Variants in SORCS1 observed in about 807,000 individuals in gnomAD.
SORCS1 encodes sortilin related VPS10 domain containing receptor 1.
SORCS1 carries 60 observed loss-of-function variants against 146.1 expected under a neutral mutation model. That is an observed-to-expected ratio of 0.41 (90% CI 0.33 to 0.51). The LOEUF (loss-of-function observed/expected upper bound fraction) is 0.51, where lower values mean the gene tolerates loss of function less well. SORCS1 is among the 20% of genes least tolerant of loss of function. The probability of loss-of-function intolerance (pLI) is 0.21; values close to 1 mark genes in which losing one functional copy is unlikely to be tolerated. For missense variants in SORCS1, 1,352 were observed against 1,487.6 expected (o/e 0.91, Z 1.50); for synonymous variants, 637 against 584.0 (o/e 1.09, Z -1.31).
intron 4 of SORCS1, 115 bp from the exon 5 acceptor site, chr10:106,761,776 G>T: frequency 1.2e-6 from 1 of 864,034 alleles, no homozygotes. Flanking sequence ...CTGAACACCT[G>T]CCATATACAA....
intron 1 of SORCS1, among the ~76,000 whole-genome samples, chr10:107,002,941 T>C (rs1589899451): frequency 6.6e-6 from 1 of 152,198 alleles, no homozygotes; most frequent in African/African-American, 2.4e-5. Flanking sequence ...TTTGTATCAC[T>C]GGGCCCACTC....
chr10:106,886,160 G>A (rs1056789794), intron 2 of SORCS1, among the ~76,000 whole-genome samples: 3 of 152,226 alleles, frequency 2.0e-5, no homozygotes, highest in African/African-American at 7.2e-5. Flanking sequence ...TACTCAGGAG[G>A]CTGAGGCAGG....
At chr10:106,945,300 T>C (rs1954278377) in intron 2 of SORCS1, among the ~76,000 whole-genome samples, 1 of 152,188 alleles carries the variant, frequency 6.6e-6, no homozygotes, top group African/African-American at 2.4e-5. Context: ...TAAAGAGACT[T>C]TGTGTTCCTA....
chr10:106,925,995 T>C (rs998380720), intron 2 of SORCS1, among the ~76,000 whole-genome samples: 1 of 152,192 alleles, frequency 6.6e-6, no homozygotes, highest in Non-Finnish European at 1.5e-5. Context: ...TAAACAATTC[T>C]AAGACACTTT....
chr10:106,986,011 G>A (rs1263684381), intron 1 of SORCS1, among the ~76,000 whole-genome samples: 1 of 151,810 alleles, frequency 6.6e-6, no homozygotes, highest in African/African-American at 2.4e-5. Flanking sequence ...GTGTTCTAGT[G>A]GTGATCATGA....
At chr10:106,669,271 G>T (rs924927587) in intron 16 of SORCS1, among the ~76,000 whole-genome samples, 2 of 149,778 alleles carry the variant, frequency 1.3e-5, no homozygotes, top group African/African-American at 2.5e-5. Flanking sequence ...AACAACAAAA[G>T]ACTGGCTTAC....
chr10:106,649,545 T>C (rs564117423), intron 18 of SORCS1, among the ~76,000 whole-genome samples: 1 of 152,382 alleles, frequency 6.6e-6, no homozygotes, highest in South Asian at 2.1e-4. Context: ...TGTTTGATTT[T>C]AGATTTCAGC....
intron 1 of SORCS1, among the ~76,000 whole-genome samples, chr10:107,020,209 G>A (rs1044319519): frequency 7.9e-5 from 12 of 152,166 alleles, no homozygotes; most frequent in Admixed American, 4.6e-4. Flanking sequence ...CAAATGCACA[G>A]CCTCTAATCT....
At chr10:106,770,480 CAA>C (rs61310332) in intron 4 of SORCS1, among the ~76,000 whole-genome samples, 27,426 of 126,182 alleles carry the variant, frequency 0.22, 3,005 homozygotes, top group Non-Finnish European at 0.31. Flanking sequence ...CAAAAAATCG[CAA>C]AAAAAAAAAA....
At chr10:106,625,485 C>T (rs959185038) in intron 19 of SORCS1, among the ~76,000 whole-genome samples, 9 of 152,114 alleles carry the variant, frequency 5.9e-5, no homozygotes, top group African/African-American at 2.2e-4. Context: ...TTCCAGGAAT[C>T]CTAATTCAGT....
rs148952411 is a variant in SORCS1, at chr10:106,693,004, C to T, written c.1414-4666G>A. ...GAATACAAAAAAACTGTTTAATGCA[C>T]AAAATTATTAAACATATTGTTTAAA... On this transcript the variant is annotated intron_variant, in intron 9 of 25. Coordinates refer to ENST00000263054, the MANE Select transcript of SORCS1 (RefSeq NM_052918.5). Among the ~76,000 whole-genome samples the T allele has an allele frequency of 2.0e-5, 3 of 151,934 alleles. No individual in the cohort carries two copies. In the East Asian group the frequency reaches 5.8e-4, roughly 29 times the overall value.
At chr10:106,976,333 G>GTTTTTTTTTGTTTTT (rs1554901319) in intron 1 of SORCS1, among the ~76,000 whole-genome samples, 2 of 113,812 alleles carry the variant, frequency 1.8e-5, no homozygotes, top group African/African-American at 3.9e-5. Context: ...AGGTTTTTTT[G>GTTTTTTTTTGTTTTT]TTTTTTTTTT....
At chr10:106,786,582 A>C (rs1946063382) in intron 3 of SORCS1, among the ~76,000 whole-genome samples, 1 of 152,118 alleles carries the variant, frequency 6.6e-6, no homozygotes, top group Non-Finnish European at 1.5e-5. Flanking sequence ...CAATTTTGCC[A>C]CATGCTATTG....
At chr10:106,830,320 C>T (rs545018924) in intron 2 of SORCS1, among the ~76,000 whole-genome samples, 9 of 152,190 alleles carry the variant, frequency 5.9e-5, no homozygotes, top group South Asian at 2.1e-4. Context: ...ATTATTCACT[C>T]GGATTAAATA....
chr10:107,024,287 C>A (rs1958295984), intron 1 of SORCS1, among the ~76,000 whole-genome samples: 1 of 151,934 alleles, frequency 6.6e-6, no homozygotes, highest in Non-Finnish European at 1.5e-5. Context: ...AGGCTGCTTT[C>A]ATTCATGGCA....
At chr10:106,962,175 G>A (rs1476714780) in intron 1 of SORCS1, among the ~76,000 whole-genome samples, 1 of 151,806 alleles carries the variant, frequency 6.6e-6, no homozygotes, top group African/African-American at 2.4e-5. Flanking sequence ...CGAGGCAGGA[G>A]GATCACCTGA....
At chr10:106,978,468 T>G (rs1331239882) in intron 1 of SORCS1, among the ~76,000 whole-genome samples, 1 of 152,142 alleles carries the variant, frequency 6.6e-6, no homozygotes, top group African/African-American at 2.4e-5. Context: ...GACAGCCATG[T>G]AAGGAGCGGA....
At chr10:106,743,278 G>A (rs1449948142) in intron 5 of SORCS1, among the ~76,000 whole-genome samples, 1 of 152,050 alleles carries the variant, frequency 6.6e-6, no homozygotes, top group African/African-American at 2.4e-5. Context: ...AGGGAGGAAA[G>A]AGAAGCCAGA....
chr10:107,077,554 T>C (rs960963364), intron 1 of SORCS1, among the ~76,000 whole-genome samples: 2 of 151,452 alleles, frequency 1.3e-5, no homozygotes, highest in African/African-American at 2.4e-5. Context: ...TGGTGATGTT[T>C]ATTTAAGATT....
Sources: gnomAD v4.1 joint callset for allele counts (sites outside exome capture counted in the v4.1 genomes callset) on GRCh38, gnomAD v4.1.1 for gene constraint, MANE v1.5 for transcripts, NCBI Gene and HGNC (gene_info 2026-07-23, HGNC 2026-07-21) for gene names.